Variants in IFT43 observed in about 807,000 individuals in gnomAD.
IFT43 encodes the protein intraflagellar transport protein 43 homolog.
Under a neutral mutation model 32.3 loss-of-function variants are expected in IFT43, and 33 were observed. That is an observed-to-expected ratio of 1.02 (90% CI 0.77 to 1.37). The LOEUF is 1.37. IFT43 is among the 40% of genes most tolerant of loss of function. The pLI is 0.00. For missense variants in IFT43, 274 were observed against 265.9 expected, an observed-to-expected ratio of 1.03 and a Z score of -0.21; for synonymous variants, 93 against 98.2, an observed-to-expected ratio of 0.95 and a Z score of 0.31.
chr14:76,022,437 C>A (rs779725382), intron 3 of IFT43, 43 bp downstream of exon 3: 5 of 1,150,480 alleles, frequency 4.3e-6, no homozygotes, highest in Non-Finnish European at 6.5e-6. Flanking sequence ...GGGGTGCACA[C>A]GGTTGGGGGG....
At chr14:76,052,999 G>A (rs2036943744) in intron 3 of IFT43, among the ~76,000 whole-genome samples, 4 of 152,154 alleles carry the variant, frequency 2.6e-5, no homozygotes, top group Admixed American at 6.5e-5. Context: ...GAGCTTTGGA[G>A]TCAGACACCC....
Position 76,058,633 on chromosome 14 carries a change from T to A in IFT43, c.216-9T>A. The A allele has an allele frequency of 6.2e-7, 1 of 1,613,052 alleles. No individual in the cohort carries two copies. The highest frequency in any genetic ancestry group is 1.1e-5 in the South Asian group (1 of 90,954). On this transcript the variant is annotated splice_polypyrimidine_tract_variant and intron_variant, in intron 3 of 8. Coordinates refer to ENST00000314067, the MANE Select transcript of IFT43 (RefSeq NM_001102564.3). Reference sequence around the variant, plus strand: ...CTCAAAAACCTTGTCTTTTCTTTTTTTTTTTCAGGTTTAGGAGGAAGGCTT... The same window carrying A: ...CTCAAAAACCTTGTCTTTTCTTTTTATTTTTCAGGTTTAGGAGGAAGGCTT...
intron 3 of IFT43, among the ~76,000 whole-genome samples, chr14:76,025,468 A>G (rs2036373285): frequency 6.6e-6 from 1 of 152,158 alleles, no homozygotes; most frequent in African/African-American, 2.4e-5. Flanking sequence ...TATGGAACAA[A>G]AAAGGGCCCA....
intron 2 of IFT43, among the ~76,000 whole-genome samples, chr14:75,993,261 T>G (rs1343925878): frequency 6.6e-6 from 1 of 152,212 alleles, no homozygotes; most frequent in Admixed American, 6.5e-5. Context: ...TTTTTAAATT[T>G]GGTTCGCATT....
At chr14:76,049,450 G>A (rs891378524) in intron 3 of IFT43, among the ~76,000 whole-genome samples, 4 of 84,202 alleles carry the variant, frequency 4.8e-5, no homozygotes, top group African/African-American at 1.5e-4. Flanking sequence ...TTTTTAAAAA[G>A]CTGTGTGTTT....
At chr14:76,002,172 G>A (rs1398302739) in intron 2 of IFT43, among the ~76,000 whole-genome samples, 3 of 152,218 alleles carry the variant, frequency 2.0e-5, no homozygotes, top group Non-Finnish European at 4.4e-5. Context: ...GCTTGAACCC[G>A]GGAGGCAGAG....
At chr14:76,060,296 A>C (rs1413105766) in intron 5 of IFT43, among the ~76,000 whole-genome samples, 2 of 151,958 alleles carry the variant, frequency 1.3e-5, no homozygotes, top group East Asian at 1.9e-4. Context: ...TGGCTCACTG[A>C]AACCTCTGCC....
Position 75,999,262 on chromosome 14 carries a change from TA to T in IFT43, c.147+10286del, listed in dbSNP as rs1566699509. ...ATATATATATATATATATATATATA[TA>T]TATATATATGTATATATATTTTTTT... On this transcript the variant is annotated intron_variant, in intron 2 of 8. Coordinates refer to ENST00000314067, the MANE Select transcript of IFT43 (RefSeq NM_001102564.3). 4.8e-3 allele frequency among the ~76,000 whole-genome samples: 120 copies of T among 25,236 alleles called. 2 individuals carry two copies. The highest frequency in any genetic ancestry group is 0.012 in the African/African-American group (52 of 4,192). 16.6% of individuals were successfully genotyped at this position (25,236 alleles called of 152,430 possible).
At chr14:76,072,204 G>A (rs1474092643) in intron 5 of IFT43, among the ~76,000 whole-genome samples, 3 of 152,180 alleles carry the variant, frequency 2.0e-5, no homozygotes, top group Non-Finnish European at 4.4e-5. Flanking sequence ...TACATGATGA[G>A]TTCAAGAGTG....
intron 3 of IFT43, among the ~76,000 whole-genome samples, chr14:76,031,443 A>G (rs114624095): frequency 0.014 from 2,131 of 152,290 alleles, 57 homozygotes; most frequent in African/African-American, 0.044. Context: ...ATTATGTAGC[A>G]TGCTGTTTTA....
At chr14:76,029,904 C>T (rs61979197) in intron 3 of IFT43, among the ~76,000 whole-genome samples, 48,129 of 97,954 alleles carry the variant, frequency 0.49, 9,211 homozygotes, top group Non-Finnish European at 0.53. Flanking sequence ...TTATTTGAGA[C>T]AGGATCTTTC....
chr14:76,061,385 A>G (rs1245835117), intron 5 of IFT43, among the ~76,000 whole-genome samples: 1 of 152,158 alleles, frequency 6.6e-6, no homozygotes, highest in African/African-American at 2.4e-5. Flanking sequence ...TTTTCATCAG[A>G]TTCAGAAAAT....
chr14:76,065,915 A>G (rs1348987940), intron 5 of IFT43, among the ~76,000 whole-genome samples: 2 of 152,204 alleles, frequency 1.3e-5, no homozygotes, highest in African/African-American at 4.8e-5. Context: ...CACTGTGCCC[A>G]GCTCATTAAC....
chr14:76,048,870 C>T lies in IFT43; in HGVS notation c.216-9772C>T, dbSNP rs112814911. ...AGGCTGCCACACATGGTCCTGTGCT[C>T]CCCCAGTGGCTCGCATGCCAGCAAC... On this transcript the variant is annotated intron_variant, in intron 3 of 8. Transcript: ENST00000314067. Among the ~76,000 whole-genome samples the T allele has an allele frequency of 2.3e-4, 35 of 152,320 alleles. 1 individual carries two copies. The highest frequency in any genetic ancestry group is 7.9e-4 in the African/African-American group (33 of 41,558).
chr14:76,043,295 C>A (rs1056148692), intron 3 of IFT43, among the ~76,000 whole-genome samples: 13 of 152,298 alleles, frequency 8.5e-5, no homozygotes, highest in African/African-American at 3.1e-4. Context: ...GAATGAACCA[C>A]CACAGGGTTT....
At chr14:76,058,741 T>G in intron 4 of IFT43, 67 bp downstream of exon 4, 1 of 1,607,860 alleles carries the variant, frequency 6.2e-7, no homozygotes, top group Non-Finnish European at 8.5e-7. Flanking sequence ...GCAGTCTTGG[T>G]GGTCATGATC....
intron 3 of IFT43, among the ~76,000 whole-genome samples, chr14:76,028,069 C>A (rs1170771043): frequency 6.6e-6 from 1 of 151,968 alleles, no homozygotes; most frequent in Non-Finnish European, 1.5e-5. Context: ...AGGTTGTTGA[C>A]CAGAACAGGT....
chr14:76,027,588 A>G (rs976172649), intron 3 of IFT43, among the ~76,000 whole-genome samples: 1 of 151,924 alleles, frequency 6.6e-6, no homozygotes, highest in Admixed American at 6.6e-5. Context: ...GGGTGCCTGT[A>G]GTCCCAGCTA....
chr14:75,995,905 T>C (rs1448503967), intron 2 of IFT43, among the ~76,000 whole-genome samples: 1 of 152,190 alleles, frequency 6.6e-6, no homozygotes, highest in Non-Finnish European at 1.5e-5. Context: ...GAACTCTCCC[T>C]TGGAGTGTGC....
Sources: allele counts gnomAD v4.1 joint callset (sites outside exome capture counted in the v4.1 genomes callset), GRCh38; gene constraint gnomAD v4.1.1; transcripts MANE v1.5; gene names NCBI Gene and HGNC (gene_info 2026-07-23, HGNC 2026-07-21).